The following SHISA9 variants were observed in gnomAD, a reference collection of about 807,000 sequenced individuals.
SHISA9 encodes protein shisa-9.
Under a neutral mutation model 38.0 loss-of-function variants are expected in SHISA9, and 13 were observed. That is an observed-to-expected ratio of 0.34 (90% CI 0.22 to 0.54). The LOEUF (loss-of-function observed/expected upper bound fraction) is 0.54. Among genes scored for constraint, SHISA9 ranks in the 20% least tolerant of loss-of-function variants. The pLI, the probability that SHISA9 is intolerant of heterozygous loss-of-function variation, is 0.91. For synonymous variants in SHISA9, 275 were observed against 242.0 expected, an observed-to-expected ratio of 1.14 and a Z score of -1.27; for missense variants, 538 against 575.8, an observed-to-expected ratio of 0.93 and a Z score of 0.67.
At chr16:12,989,130 C>T (rs2072351146) in intron 2 of SHISA9, among the ~76,000 whole-genome samples, 2 of 152,140 alleles carry the variant, frequency 1.3e-5, no homozygotes, top group African/African-American at 2.4e-5. Flanking sequence ...CCAGTAGATG[C>T]TTTGAAACAG....
chr16:13,386,091 C>T, the SHISA9 span, among the ~76,000 whole-genome samples: 1 of 152,052 alleles, frequency 6.6e-6, no homozygotes, highest in African/African-American at 2.4e-5. Context: ...TGAACCTACA[C>T]ATAATAAAAG....
chr16:13,060,810 A>T (rs2073366536), intron 2 of SHISA9, among the ~76,000 whole-genome samples: 1 of 152,168 alleles, frequency 6.6e-6, no homozygotes, highest in African/African-American at 2.4e-5. Context: ...GGCAGAGCCA[A>T]GGGCTGGCGT....
At chr16:13,303,330 G>A in the SHISA9 span, among the ~76,000 whole-genome samples, 3 of 152,186 alleles carry the variant, frequency 2.0e-5, no homozygotes, top group African/African-American at 7.2e-5. Context: ...GCCCACATCA[G>A]TAGGCTAAAT....
At chr16:13,524,815 C>A in the SHISA9 span, among the ~76,000 whole-genome samples, 2 of 152,046 alleles carry the variant, frequency 1.3e-5, no homozygotes, top group Non-Finnish European at 2.9e-5. Context: ...AATTCTCCTA[C>A]CTTGGCCTCC....
the SHISA9 span, among the ~76,000 whole-genome samples, chr16:13,257,788 CTG>C: frequency 6.6e-6 from 1 of 152,156 alleles, no homozygotes; most frequent in African/African-American, 2.4e-5. Context: ...AGGCTCCCTT[CTG>C]TGCTACTTAG....
rs545487340 is a variant in SHISA9 at position 12,952,392 on chromosome 16, G to C, written c.691+35577G>C. Among the ~76,000 whole-genome samples the C allele has an allele frequency of 2.0e-5, 3 of 152,316 alleles. No homozygotes were observed. The East Asian group carries it at 5.8e-4, about 29-fold the overall frequency. On this transcript the variant is annotated intron_variant, in intron 2 of 4. Coordinates refer to ENST00000558583, the MANE Select transcript of SHISA9 (RefSeq NM_001145204.3). Reference sequence around the variant, plus strand: ...GGCCCTTCAGCTGACGTGTGGTTGAGTCTTCCCCAGTTTTTATCCATTGAT... The same window carrying C: ...GGCCCTTCAGCTGACGTGTGGTTGACTCTTCCCCAGTTTTTATCCATTGAT...
At chr16:13,150,555 A>G (rs1307052509) in intron 2 of SHISA9, among the ~76,000 whole-genome samples, 1 of 152,194 alleles carries the variant, frequency 6.6e-6, no homozygotes, top group Non-Finnish European at 1.5e-5. Context: ...TTTGCTACCC[A>G]GAGTTTATTC....
chr16:13,277,230 A>T, the SHISA9 span, among the ~76,000 whole-genome samples: 4 of 151,688 alleles, frequency 2.6e-5, no homozygotes, highest in African/African-American at 7.3e-5. Context: ...GCTGTAAGTA[A>T]TTGAGTTTAT....
chr16:13,308,510 G>A, the SHISA9 span, among the ~76,000 whole-genome samples: 1 of 152,160 alleles, frequency 6.6e-6, no homozygotes, highest in Non-Finnish European at 1.5e-5. Context: ...GTCCCCATGA[G>A]CATGGGTCTC....
At chr16:13,208,733 C>T (rs1337995007) in intron 3 of SHISA9, among the ~76,000 whole-genome samples, 1 of 152,152 alleles carries the variant, frequency 6.6e-6, no homozygotes. Flanking sequence ...TGAATTATTC[C>T]TTCAGTTGTT....
At chr16:13,383,129 A>G in the SHISA9 span, among the ~76,000 whole-genome samples, 4 of 152,248 alleles carry the variant, frequency 2.6e-5, no homozygotes, top group Non-Finnish European at 5.9e-5. Context: ...CAAGCGATAC[A>G]AAATGCTACA....
chr16:13,074,566 A>G (rs1443913003), intron 2 of SHISA9, among the ~76,000 whole-genome samples: 3 of 152,026 alleles, frequency 2.0e-5, no homozygotes, highest in Non-Finnish European at 4.4e-5. Context: ...GCCAAATGAG[A>G]TATATTCTTC....
chr16:13,341,659 A>G, the SHISA9 span, among the ~76,000 whole-genome samples: 8 of 152,318 alleles, frequency 5.3e-5, no homozygotes, highest in African/African-American at 1.9e-4. Context: ...TTCAGTTCTT[A>G]CAGTGCCTTT....
the SHISA9 span, among the ~76,000 whole-genome samples, chr16:13,486,509 A>T: frequency 1.3e-5 from 2 of 152,180 alleles, no homozygotes; most frequent in African/African-American, 4.8e-5. Flanking sequence ...ATTATTTTGA[A>T]ATAATTTTAG....
At chr16:13,484,615 C>T in the SHISA9 span, among the ~76,000 whole-genome samples, 116,372 of 152,094 alleles carry the variant, frequency 0.77, 44,872 homozygotes, top group East Asian at 0.95. Context: ...TAAAAAACTA[C>T]CTGAGACTGG....
chr16:13,403,273 C>T, the SHISA9 span, among the ~76,000 whole-genome samples: 4 of 152,194 alleles, frequency 2.6e-5, no homozygotes, highest in Admixed American at 6.5e-5. Context: ...TCCTCAGATC[C>T]CTGCTGCATG....
intron 2 of SHISA9, among the ~76,000 whole-genome samples, chr16:12,943,314 TGTGTGTGTGTGTGTGTGAGAGAGA>T (rs2071640421): frequency 1.2e-4 from 5 of 41,816 alleles, no homozygotes; most frequent in African/African-American, 2.7e-4. Context: ...TGTGTGTGTG[TGTGTGTGTGTGTGTGTGAGAGAGA>T]GAGAGAGAGA....
At chr16:13,416,311 A>G in the SHISA9 span, among the ~76,000 whole-genome samples, 1 of 152,196 alleles carries the variant, frequency 6.6e-6, no homozygotes, top group African/African-American at 2.4e-5. Flanking sequence ...CAAAGTATAC[A>G]CAATTGTTAC....
chr16:12,942,239 CT>C (rs2141759411), intron 2 of SHISA9, among the ~76,000 whole-genome samples: 1 of 152,330 alleles, frequency 6.6e-6, no homozygotes, highest in South Asian at 2.1e-4. Context: ...TATTTCCCTC[CT>C]CGGGACGGGA....
Sources: gnomAD v4.1 joint callset for allele counts (sites outside exome capture counted in the v4.1 genomes callset) on GRCh38, gnomAD v4.1.1 for gene constraint, MANE v1.5 for transcripts, NCBI Gene and HGNC (gene_info 2026-07-23, HGNC 2026-07-21) for gene names.